Variants in LARS2 observed in about 807,000 individuals in gnomAD.
The protein encoded by LARS2 is leucyl-tRNA synthetase 2, mitochondrial, also known as leucine--tRNA ligase, mitochondrial.
A neutral mutation model predicts 116.6 loss-of-function variants in LARS2; 81 were observed. The ratio of observed to expected loss-of-function variants is 0.69; its 90% CI spans 0.58 to 0.84. The LOEUF (loss-of-function observed/expected upper bound fraction) is 0.84. LARS2 is among the 40% of genes least tolerant of loss of function. The pLI is 0.00. For missense variants in LARS2, 968 were observed against 1,114.5 expected (o/e 0.87, Z 1.87); for synonymous variants, 396 against 407.2 (o/e 0.97, Z 0.33).
intron 15 of LARS2, chr3:45,509,662 G>A (rs1700254112): frequency 6.6e-6 from 1 of 152,114 alleles, no homozygotes; most frequent in South Asian, 2.1e-4. Context: ...AACTACGCAT[G>A]AGAGTAGACA....
chr3:45,431,870 T>A (rs1013281143), intron 6 of LARS2, among the ~76,000 whole-genome samples: 1 of 152,160 alleles, frequency 6.6e-6, no homozygotes, highest in African/African-American at 2.4e-5. Flanking sequence ...AAGACAGATA[T>A]TGGAAAAATG....
intron 6 of LARS2, among the ~76,000 whole-genome samples, chr3:45,439,875 TGTC>T (rs562863062): frequency 7.2e-5 from 11 of 152,242 alleles, no homozygotes; most frequent in Non-Finnish European, 1.3e-4. Flanking sequence ...GACAGGACCC[TGTC>T]TTTCACACAG....
chr3:45,411,899 G>A (rs769816767), intron 4 of LARS2, among the ~76,000 whole-genome samples: 1 of 152,080 alleles, frequency 6.6e-6, no homozygotes, highest in Non-Finnish European at 1.5e-5. Flanking sequence ...GTGTCTGTGT[G>A]TTCTTATCAT....
At position 45,548,851 on chromosome 3, in the gene LARS2, G is replaced by T. The variant is rs1050424313; in HGVS notation, c.*1321G>T. On this transcript the variant is annotated 3_prime_UTR_variant, in exon 22 of 22. Coordinates refer to ENST00000645846, the MANE Select transcript of LARS2 (RefSeq NM_015340.4). ...TATCATCTATGACTTCAGGACATAT[G>T]TGTGATCCTGGAATACACCATATTC... The T allele has an allele frequency of 6.6e-6, 1 of 152,188 alleles. No homozygotes were observed. The highest frequency in any genetic ancestry group is 1.5e-5 in the Non-Finnish European group (1 of 68,044). The allele number at this position is 152,188 out of a possible 1,614,324, so 9.4% of individuals were successfully genotyped here. A position where few individuals can be genotyped will look rare whatever the true frequency, so the allele number is the denominator to read the frequency against.
At chr3:45,404,640 T>G (rs1698203699) in intron 4 of LARS2, among the ~76,000 whole-genome samples, 1 of 152,192 alleles carries the variant, frequency 6.6e-6, no homozygotes. Flanking sequence ...AATGGAGATA[T>G]ATGAAATAGT....
chr3:45,467,533 A>G lies in LARS2; in HGVS notation c.751-6710A>G, dbSNP rs191250525. Among the ~76,000 whole-genome samples the G allele has an allele frequency of 4.6e-5, 7 of 152,308 alleles. No individual in the cohort carries two copies. In the East Asian group the frequency reaches 1.2e-3, roughly 25 times the overall value. On this transcript the variant is annotated intron_variant, in intron 8 of 21. Coordinates refer to ENST00000645846, the MANE Select transcript of LARS2 (RefSeq NM_015340.4). ...AAGCATATATATAAACACACATACA[A>G]GATTTTATCAATCCTGACATGATTA...
intron 15 of LARS2, among the ~76,000 whole-genome samples, chr3:45,504,373 C>A (rs1392267884): frequency 6.6e-6 from 1 of 151,998 alleles, no homozygotes; most frequent in African/African-American, 2.4e-5. Context: ...AGCTCCTTCC[C>A]TTCACTTAAC....
chr3:45,516,585 T>G (rs748016555), intron 17 of LARS2, among the ~76,000 whole-genome samples: 25 of 152,152 alleles, frequency 1.6e-4, no homozygotes, highest in Non-Finnish European at 3.4e-4. Flanking sequence ...CAGCGGTGAT[T>G]CCAGTGCACA....
chr3:45,523,285 T>C (rs1343048155), intron 19 of LARS2, among the ~76,000 whole-genome samples: 1 of 152,196 alleles, frequency 6.6e-6, no homozygotes, highest in Non-Finnish European at 1.5e-5. Context: ...GAGGCCCCCC[T>C]GCCCTAGGTG....
At chr3:45,431,412 TG>T (rs1698711869) in intron 6 of LARS2, among the ~76,000 whole-genome samples, 1 of 152,216 alleles carries the variant, frequency 6.6e-6, no homozygotes, top group Non-Finnish European at 1.5e-5. Flanking sequence ...GAAACTCCAC[TG>T]TTTGTTGTCT....
At chr3:45,509,757 C>T (rs1424169121) in intron 15 of LARS2, among the ~76,000 whole-genome samples, 1 of 151,972 alleles carries the variant, frequency 6.6e-6, no homozygotes, top group Non-Finnish European at 1.5e-5. Context: ...GGAGGGAAAA[C>T]ACTTGGGAAT....
At chr3:45,430,961 A>G (rs1007914435) in intron 6 of LARS2, among the ~76,000 whole-genome samples, 4 of 152,172 alleles carry the variant, frequency 2.6e-5, no homozygotes, top group Admixed American at 6.5e-5. Context: ...CTAATCCCCA[A>G]TGTGATGACA....
intron 7 of LARS2, among the ~76,000 whole-genome samples, chr3:45,447,458 A>G (rs1450012261): frequency 1.3e-5 from 2 of 152,222 alleles, no homozygotes. Context: ...GGGTCACGAC[A>G]GCCCTGTCCT....
At chr3:45,414,340 G>A (rs551286849) in intron 4 of LARS2, among the ~76,000 whole-genome samples, 13 of 152,206 alleles carry the variant, frequency 8.5e-5, no homozygotes, top group African/African-American at 1.7e-4. Flanking sequence ...TAACTGGTAC[G>A]TATGGCTGTA....
intron 4 of LARS2, among the ~76,000 whole-genome samples, chr3:45,403,603 T>C (rs1212566461): frequency 6.6e-6 from 1 of 152,192 alleles, no homozygotes; most frequent in African/African-American, 2.4e-5. Context: ...TGTACATTTA[T>C]GATAGGGTGC....
At chr3:45,390,415 C>G (rs1017460282) in intron 1 of LARS2, among the ~76,000 whole-genome samples, 1 of 151,638 alleles carries the variant, frequency 6.6e-6, no homozygotes, top group African/African-American at 2.4e-5. Context: ...TGGGTTCACG[C>G]CATTCTCCTG....
chr3:45,517,597 G>C lies in LARS2; in HGVS notation c.2045-306G>C, dbSNP rs528201913. On this transcript the variant is annotated intron_variant, in intron 17 of 21. Coordinates refer to ENST00000645846, the MANE Select transcript of LARS2 (RefSeq NM_015340.4). ...CCCAGCAAGCTTGCTTAATCAAGGC[G>C]GCGGGGCACCAGGGCTCATCTTGAC... Among the ~76,000 whole-genome samples, 10 of 152,278 alleles carry C rather than the reference G, an allele frequency of 6.6e-5. No individual in the cohort carries two copies. In the South Asian group the frequency reaches 1.9e-3, roughly 28 times the overall value.
chr3:45,395,421 C>T (rs577546762), intron 3 of LARS2, among the ~76,000 whole-genome samples: 2 of 152,344 alleles, frequency 1.3e-5, no homozygotes, highest in Non-Finnish European at 2.9e-5. Context: ...GCTCTCTGTT[C>T]CTTTTCTGGG....
chr3:45,497,769 C>T (rs563624442), intron 14 of LARS2, among the ~76,000 whole-genome samples: 126 of 152,088 alleles, frequency 8.3e-4, no homozygotes, highest in Non-Finnish European at 7.1e-4. Context: ...TAGCTGGACA[C>T]GGTGGCACGC....
Sources: gnomAD v4.1 joint callset for allele counts (sites outside exome capture counted in the v4.1 genomes callset) on GRCh38, gnomAD v4.1.1 for gene constraint, MANE v1.5 for transcripts, NCBI Gene and HGNC (gene_info 2026-07-23, HGNC 2026-07-21) for gene names.